PKD1: variants seen among roughly 807,000 people sequenced by gnomAD.
PKD1 encodes polycystin-1.
Under a neutral mutation model 361.7 loss-of-function variants are expected in PKD1, and 81 were observed. That is an observed-to-expected ratio of 0.22 (90% CI 0.19 to 0.27). PKD1 has a LOEUF of 0.27. Among genes scored for constraint, PKD1 ranks in the 10% least tolerant of loss-of-function variants. The pLI is 1.00. For missense variants in PKD1, 6,399 were observed against 6,118.3 expected, an observed-to-expected ratio of 1.05 and a Z score of -1.53; for synonymous variants, 3,615 against 2,818.3, an observed-to-expected ratio of 1.28 and a Z score of -8.95.
intron 1 of PKD1, among the ~76,000 whole-genome samples, chr16:2,124,877 C>T (rs887253890): frequency 5.3e-5 from 8 of 152,202 alleles, no homozygotes; most frequent in African/African-American, 1.2e-4. Context: ...GACGCCAGAC[C>T]CAGGGAGGCC....
intron 8 of PKD1, among the ~76,000 whole-genome samples, 169 bp downstream of exon 8, chr16:2,116,360 G>GTT (rs2151818937): frequency 6.6e-6 from 1 of 152,338 alleles, no homozygotes; most frequent in African/African-American, 2.4e-5. Context: ...TGGAGGTAAT[G>GTT]TGAGTAAACG....
intron 1 of PKD1, chr16:2,123,489 C>T (rs1178115773): frequency 4.4e-6 from 2 of 456,524 alleles, no homozygotes; most frequent in Non-Finnish European, 8.8e-6. Context: ...TACTTTTTCA[C>T]GTCTCCATCT....
Position 2,102,638 on chromosome 16 carries a change from G to A in PKD1, c.8949-5C>T, listed in dbSNP as rs772207944. 2.5e-6 allele frequency: 4 copies of A among 1,610,958 alleles called. No individual in the cohort carries two copies. The Admixed American group carries it at 5.0e-5, about 20-fold the overall frequency. ...CTCCCCGCTGGGTCTCTGCTCCTGG[G>A]CAGGGAAGGGGTAGCGGACGTGAGC... On this transcript the variant is annotated splice_region_variant and splice_polypyrimidine_tract_variant and intron_variant, in intron 24 of 45. Coordinates refer to ENST00000262304, the MANE Select transcript of PKD1 (RefSeq NM_001009944.3).
intron 10 of PKD1, 65 bp from the exon 11 acceptor site, chr16:2,114,990 C>T (rs1471096426): frequency 1.4e-5 from 21 of 1,519,092 alleles, no homozygotes; most frequent in African/African-American, 4.1e-5. Context: ...CCCCGCACGA[C>T]GGATGAGGGT....
intron 1 of PKD1, among the ~76,000 whole-genome samples, chr16:2,124,031 G>C (rs1001680709): frequency 6.6e-5 from 10 of 152,186 alleles, no homozygotes; most frequent in African/African-American, 2.4e-4. Flanking sequence ...GGGCTCCTTA[G>C]CGGCTGCTGG....
Position 2,089,589 on chromosome 16 carries a change from CAG to C in PKD1, c.*136_*137del. On this transcript the variant is annotated 3_prime_UTR_variant, in exon 46 of 46. Coordinates refer to ENST00000262304, the MANE Select transcript of PKD1 (RefSeq NM_001009944.3). ...TCTTTAAAGTGCTGAAGCCCACAGA[CAG>C]ACAGATGCCCCTGCCTGCTCTCTGG... 9.1e-7 allele frequency: 1 copy of C among 1,103,280 alleles called. No individual in the cohort carries two copies. Among genetic ancestry groups the C allele is most frequent in the Non-Finnish European group, 1.3e-6 (1 of 765,672 alleles). 68.3% of individuals were successfully genotyped at this position (1,103,280 alleles called of 1,614,324 possible). A position where few individuals can be genotyped will look rare whatever the true frequency, so the allele number is the denominator to read the frequency against.
chr16:2,090,217 G>A (rs750995704), intron 45 of PKD1, 23 bp from the exon 46 acceptor site: 4 of 1,608,658 alleles, frequency 2.5e-6, no homozygotes, highest in African/African-American at 1.3e-5. Context: ...CAGGGGCTCA[G>A]TCAGTCCGGC....
At position 2,089,441 on chromosome 16, in the gene PKD1, C is replaced by A. The variant is rs1044675322; in HGVS notation, c.*286G>T. 1.4e-5 allele frequency: 7 copies of A among 508,646 alleles called. No homozygotes were observed. The highest frequency in any genetic ancestry group is 2.1e-5 in the Non-Finnish European group (6 of 281,426). The allele number at this position is 508,646 out of a possible 1,614,324, so 31.5% of individuals were successfully genotyped here. A position where few individuals can be genotyped will look rare whatever the true frequency, so the allele number is the denominator to read the frequency against. On this transcript the variant is annotated 3_prime_UTR_variant, in exon 46 of 46. Coordinates refer to ENST00000262304, the MANE Select transcript of PKD1 (RefSeq NM_001009944.3). ...CCAGGGGGTGGGGCCGGGCACAGCC[C>A]GCTGTACCTGAGGACTCGGGGAAAT...
In PKD1 at chr16:2,102,637, G is replaced by A. The variant is rs956501802; in HGVS notation, c.8949-4C>T. On this transcript the variant is annotated splice_region_variant and splice_polypyrimidine_tract_variant and intron_variant, in intron 24 of 45. Coordinates refer to ENST00000262304, the MANE Select transcript of PKD1 (RefSeq NM_001009944.3). ...ACTCCCCGCTGGGTCTCTGCTCCTG[G>A]GCAGGGAAGGGGTAGCGGACGTGAG... 27 of 1,610,912 alleles carry A rather than the reference G, an allele frequency of 1.7e-5. No individual in the cohort carries two copies. Among genetic ancestry groups the A allele is most frequent in the East Asian group, 2.2e-5 (1 of 44,880 alleles).
Position 2,093,906 on chromosome 16 carries a change from C to T in PKD1, c.10726G>A (p.Val3576Met), listed in dbSNP as rs1483830437. ...VAVAVAVSGW[V>M]GASFPPGVSV... ...ACGCCCGGGGGGAAGCTCGCACCCA[C>T]CCACCCTGAGACAGCCACAGCCACA... The change falls in exon 36 of 46, where the codon GTG becomes ATG. Residue 3576 changes from valine to methionine, a missense_variant. Physicochemically the swap from Val to Met is conservative, Grantham distance 21 (BLOSUM62 1). Coordinates refer to ENST00000262304, the MANE Select transcript of PKD1 (RefSeq NM_001009944.3). The T allele has an allele frequency of 3.2e-6, 5 of 1,580,598 alleles. No homozygotes were observed. The highest frequency in any genetic ancestry group is 1.3e-5 in the African/African-American group (1 of 74,300).
At position 2,090,580 on chromosome 16, in the gene PKD1, G is replaced by C. The variant is rs186160250; in HGVS notation, c.12149C>G (p.Ser4050Cys). 7.5e-6 allele frequency: 12 copies of C among 1,608,766 alleles called. No homozygotes were observed. The South Asian group carries it at 1.2e-4, about 16-fold the overall frequency. ...YAQLAILLVS[S>C]CVDSLWSVAQ... ...CACGCTCCAGAGGGAGTCCACACAG[G>C]AAGACACGAGCTGCGGGGAAGGCGA... is the stretch of plus-strand genomic sequence containing the variant. Residue 4050 changes from serine to cysteine, a missense_variant, in exon 45 of 46, where the codon TCC becomes TGC. Coordinates refer to ENST00000262304, the MANE Select transcript of PKD1 (RefSeq NM_001009944.3).
In PKD1 at chr16:2,135,853, C is replaced by T; in HGVS notation, c.-164G>A. On this transcript the variant is annotated 5_prime_UTR_variant, in exon 1 of 46. Coordinates refer to ENST00000262304, the MANE Select transcript of PKD1 (RefSeq NM_001009944.3). Reference sequence around the variant, plus strand: ...GCCCGCTCGGGGCTCGGGGCCAGGCCGCTCCGGGAGCTCGGCCGCCCGCTC... The same window carrying T: ...GCCCGCTCGGGGCTCGGGGCCAGGCTGCTCCGGGAGCTCGGCCGCCCGCTC... The T allele has an allele frequency of 3.9e-6, 1 of 256,606 alleles. No individual in the cohort carries two copies. The highest frequency in any genetic ancestry group is 6.0e-6 in the Non-Finnish European group (1 of 165,520). 15.9% of individuals were successfully genotyped at this position (256,606 alleles called of 1,614,324 possible). A position where few individuals can be genotyped will look rare whatever the true frequency, so the allele number is the denominator to read the frequency against.
Position 2,112,979 on chromosome 16 carries a change from T to A in PKD1, c.2986-16A>T. ...AGGCCGTCAGCTGCAGGGACAGGCG[T>A]CAGTGAGCCCAGGTGGCAGGTGAGA... On this transcript the variant is annotated splice_polypyrimidine_tract_variant and intron_variant, in intron 12 of 45. Transcript: ENST00000262304. 7.5e-6 allele frequency: 12 copies of A among 1,595,872 alleles called. No individual in the cohort carries two copies. The highest frequency in any genetic ancestry group is 1.1e-5 in the South Asian group (1 of 90,954).
Position 2,112,940 on chromosome 16 carries a change from G to A in PKD1, c.3009C>T (p.Ser1003=). The part of the protein sequence containing the change: ...KLSLTASNHV[S]NVTVNYNVTV... ...TTACGTTGTAGTTCACGGTGACGTT[G>A]CTCACGTGGTTGGAGGCCGTCAGCT... Residue 1003 remains serine, a synonymous_variant, in exon 13 of 46, where the codon AGC becomes AGT. Transcript: ENST00000262304. 2 of 1,602,438 alleles carry A rather than the reference G, an allele frequency of 1.2e-6. No homozygotes were observed. The highest frequency in any genetic ancestry group is 1.7e-6 in the Non-Finnish European group (2 of 1,179,716).
At position 2,089,878 on chromosome 16, in the gene PKD1, G is replaced by A. The variant is rs144474078; in HGVS notation, c.12761C>T (p.Ala4254Val). The A allele has an allele frequency of 2.7e-5, 43 of 1,609,952 alleles. No individual in the cohort carries two copies. The highest frequency in any genetic ancestry group is 1.8e-4 in the East Asian group (8 of 44,756). Residue 4254 changes from alanine (A) to valine (V), a missense_variant, in exon 46 of 46, where the codon GCG becomes GTG. By Grantham distance (64) the Ala-to-Val change is moderately conservative. Coordinates refer to ENST00000262304, the MANE Select transcript of PKD1 (RefSeq NM_001009944.3). ...TGGGCCACGGGAAGATCCGGCGGGC[G>A]CCCGGCTGCTCCTGCGGCCTTGCAG... ...HSLQGRRSSR[A>V]PAGSSRGPSP... is the part of the protein sequence containing the mutation.
intron 34 of PKD1, among the ~76,000 whole-genome samples, chr16:2,095,983 A>C (rs1386221352): frequency 6.6e-6 from 1 of 152,156 alleles, no homozygotes; most frequent in African/African-American, 2.4e-5. Flanking sequence ...GCCTTTTGTA[A>C]ATCAGGAAGT....
intron 30 of PKD1, among the ~76,000 whole-genome samples, chr16:2,098,652 T>G (rs1473415142): frequency 2.4e-4 from 33 of 138,894 alleles, no homozygotes; most frequent in Middle Eastern, 8.1e-3. Flanking sequence ...TGTAACCTCT[T>G]GAGGACCCCA....
chr16:2,097,270 C>A (rs2091886969), intron 33 of PKD1, 29 bp from the exon 34 acceptor site: 1 of 1,605,040 alleles, frequency 6.2e-7, no homozygotes. Context: ...TAGGGTGGGC[C>A]CAGCTGCAAG....
At chr16:2,107,224 C>G (rs1328243533) in intron 16 of PKD1, 3 of 518,876 alleles carry the variant, frequency 5.8e-6, no homozygotes, top group South Asian at 4.0e-5. Flanking sequence ...CACTGAGGGC[C>G]CCTGGGGGGA....
Sources: gnomAD v4.1 joint callset for allele counts (sites outside exome capture counted in the v4.1 genomes callset) on GRCh38, gnomAD v4.1.1 for gene constraint, MANE v1.5 for transcripts, NCBI Gene and HGNC (gene_info 2026-07-23, HGNC 2026-07-21) for gene names.